The following BEND2 variants were observed in gnomAD, a reference collection of about 807,000 sequenced individuals.
BEND2 encodes BEN domain containing 2.
A neutral mutation model predicts 43.8 loss-of-function variants in BEND2; 19 were observed. That is an observed-to-expected ratio of 0.43 (90% CI 0.30 to 0.64). BEND2 has a LOEUF of 0.64. BEND2 is among the 30% of genes least tolerant of loss of function. The probability of loss-of-function intolerance (pLI) is 0.11; values close to 1 mark genes in which losing one functional copy is unlikely to be tolerated. For missense variants in BEND2, 544 were observed against 574.0 expected, an observed-to-expected ratio of 0.95 and a Z score of 0.53; for synonymous variants, 226 against 210.1, an observed-to-expected ratio of 1.08 and a Z score of -0.66.
In BEND2 at chrX:18,206,187, C is replaced by T. The variant is rs750368119; in HGVS notation, c.493-2272G>A. Among the ~76,000 whole-genome samples the T allele has an allele frequency of 2.7e-5, 3 of 111,397 alleles. No homozygotes were observed. In the East Asian group the frequency reaches 8.5e-4, roughly 32 times the overall value. On this transcript the variant is annotated intron_variant, in intron 4 of 13. Transcript: ENST00000380033. ...TTCATGTTACTATTGTTATTACCAG[C>T]GCCATGACACAGGCAGGAACAGGAG...
chrX:18,186,065 G>T (rs1461737759), intron 8 of BEND2, among the ~76,000 whole-genome samples: 1 of 111,873 alleles, frequency 8.9e-6, no homozygotes, highest in Non-Finnish European at 1.9e-5. Flanking sequence ...AACACACAGA[G>T]TATTATAACA....
intron 6 of BEND2, among the ~76,000 whole-genome samples, chrX:18,197,019 A>G (rs1343240280): frequency 8.9e-6 from 1 of 112,598 alleles, no homozygotes; most frequent in African/African-American, 3.2e-5. Context: ...ATCAATGTCA[A>G]TATCCTGGTT....
chrX:18,217,067 G>A (rs1925697020), intron 1 of BEND2, among the ~76,000 whole-genome samples: 1 of 112,699 alleles, frequency 8.9e-6, no homozygotes, highest in African/African-American at 3.2e-5. Flanking sequence ...TAACTTAAAC[G>A]ATGCAACTGG....
rs1334731451 is a variant in BEND2 at position 18,163,731 on chromosome X, T to C, written c.*1278A>G. The C allele has an allele frequency of 8.9e-6, 1 of 112,512 alleles. No homozygotes were observed. The highest frequency in any genetic ancestry group is 1.9e-5 in the Non-Finnish European group (1 of 53,311). The allele number at this position is 112,512 out of a possible 1,213,427, so 9.3% of individuals were successfully genotyped here. ...TATGCATATACAATTTGAAATTTCT[T>C]CTTGCCTAGGGTCGAACTGTACTTT... On this transcript the variant is annotated 3_prime_UTR_variant, in exon 14 of 14. Transcript: ENST00000380033.
chrX:18,201,860 C>A lies in BEND2; in HGVS notation c.988G>T (p.Gly330Cys). 8.3e-7 allele frequency: 1 copy of A among 1,209,737 alleles called. No individual in the cohort carries two copies. Among genetic ancestry groups the A allele is most frequent in the Non-Finnish European group, 1.1e-6 (1 of 894,562 alleles). ...NYPTLMGNYN[G>C]QNTASLSVFI... ...ACAGATAAAGAGGCAGTATTTTGGCCATTGTAATTTCCCATTAAAGTTGGA... is the reference window on the plus strand; with the variant it reads ...ACAGATAAAGAGGCAGTATTTTGGCAATTGTAATTTCCCATTAAAGTTGGA... Residue 330 changes from glycine (G) to cysteine (C), a missense_variant, in exon 6 of 14, where the codon GGC (glycine) becomes TGC (cysteine). Physicochemically the swap from Gly to Cys is radical, Grantham distance 159 (BLOSUM62 -3). Around this residue, in one of 2 missense-constraint regions of BEND2, gnomAD observed 501 missense variants for 501.6 expected, o/e 1.00. Coordinates refer to ENST00000380033, the MANE Select transcript of BEND2 (RefSeq NM_153346.5).
intron 8 of BEND2, among the ~76,000 whole-genome samples, chrX:18,187,926 T>C (rs939444761): frequency 9.0e-6 from 1 of 110,522 alleles, no homozygotes. Flanking sequence ...TGGGCAATGG[T>C]AAATGAATGG....
chrX:18,172,791 A>G (rs963427130), intron 12 of BEND2, among the ~76,000 whole-genome samples: 10 of 111,544 alleles, frequency 9.0e-5, no homozygotes, highest in African/African-American at 3.3e-4. Context: ...ACAACAGCAA[A>G]AAGAAACAAA....
chrX:18,201,786 C>T (rs1410686446), intron 6 of BEND2, 29 bp downstream of exon 6: 5 of 1,189,347 alleles, frequency 4.2e-6, no homozygotes, highest in Non-Finnish European at 5.7e-6. Context: ...AGCCACCACG[C>T]CCAGCATTAT....
intron 8 of BEND2, among the ~76,000 whole-genome samples, chrX:18,180,851 T>G (rs1186124363): frequency 9.2e-6 from 1 of 109,140 alleles, no homozygotes; most frequent in African/African-American, 3.3e-5. Flanking sequence ...CTTGGCTTAC[T>G]ACAACCTCTG....
rs1418562123 is a variant in BEND2 at position 18,172,904 on chromosome X, G to T, written c.1981+1126C>A. ...GATTGTAGATTCTTGAGGAAAAATA[G>T]ATACATATTATAATATTAGAGAAGG... On this transcript the variant is annotated intron_variant, in intron 12 of 13. Coordinates refer to ENST00000380033, the MANE Select transcript of BEND2 (RefSeq NM_153346.5). Among the ~76,000 whole-genome samples, 3 of 110,400 alleles carry T rather than the reference G, an allele frequency of 2.7e-5. No homozygotes were observed. The East Asian group carries it at 8.5e-4, about 31-fold the overall frequency.
At chrX:18,170,731 C>T (rs981386371) in intron 13 of BEND2, among the ~76,000 whole-genome samples, 7 of 112,298 alleles carry the variant, frequency 6.2e-5, no homozygotes, top group African/African-American at 1.3e-4. Flanking sequence ...TTCCATACCC[C>T]TGGCAGTCCA....
chrX:18,210,402 C>T (rs890473602), intron 4 of BEND2, among the ~76,000 whole-genome samples: 1 of 111,547 alleles, frequency 9.0e-6, no homozygotes, highest in Admixed American at 9.6e-5. Flanking sequence ...TCAGAACTTC[C>T]ATTTCATTTT....
chrX:18,199,556 G>A (rs1403877286), intron 6 of BEND2, among the ~76,000 whole-genome samples: 1 of 111,268 alleles, frequency 9.0e-6, no homozygotes, highest in Admixed American at 9.6e-5. Flanking sequence ...AGGAAAATGG[G>A]TAAAGTATAA....
intron 1 of BEND2, among the ~76,000 whole-genome samples, chrX:18,219,843 C>G (rs989866372): frequency 1.3e-4 from 15 of 111,926 alleles, no homozygotes; most frequent in Admixed American, 1.0e-3. Context: ...GAAGCGGAGG[C>G]TGCAGTGAGC....
intron 5 of BEND2, among the ~76,000 whole-genome samples, chrX:18,202,789 T>A (rs1925208515): frequency 8.9e-6 from 1 of 112,147 alleles, no homozygotes; most frequent in Non-Finnish European, 1.9e-5. Flanking sequence ...TCTTGGGTAA[T>A]CATGTCAGAG....
chrX:18,204,401 A>G (rs1428959471), intron 4 of BEND2, among the ~76,000 whole-genome samples: 3 of 112,151 alleles, frequency 2.7e-5, no homozygotes, highest in Admixed American at 1.9e-4. Context: ...TCAAAGTTGT[A>G]AAAATGTTTT....
intron 9 of BEND2, among the ~76,000 whole-genome samples, chrX:18,179,738 A>G (rs967262732): frequency 7.1e-5 from 8 of 112,442 alleles, no homozygotes; most frequent in Non-Finnish European, 1.3e-4. Flanking sequence ...TAGGATATTA[A>G]TAAGAGATAA....
rs5955946 is a variant in BEND2, at chrX:18,203,402, C to A, written c.907+99G>T. ...AATCTATAATGGCTTCAAGATAAAA[C>A]TTTTAATTTAAAAAATAACTAACAC... On this transcript the variant is annotated intron_variant, in intron 5 of 13. Transcript: ENST00000380033. The A allele has an allele frequency of 4.4e-3, 4,219 of 964,411 alleles. 93 individuals carry two copies. In the African/African-American group the frequency reaches 0.073, roughly 17 times the overall value. The allele number at this position is 964,411 out of a possible 1,213,427, so 79.5% of individuals were successfully genotyped here. A position where few individuals can be genotyped will look rare whatever the true frequency, so the allele number is the denominator to read the frequency against.
intron 9 of BEND2, among the ~76,000 whole-genome samples, chrX:18,179,446 G>A (rs1320078953): frequency 2.3e-4 from 25 of 110,610 alleles, no homozygotes; most frequent in African/African-American, 7.6e-4. Flanking sequence ...TAACAAGCCT[G>A]AGCCACCGTG....
Sources: gnomAD v4.1 joint callset for allele counts (sites outside exome capture counted in the v4.1 genomes callset) on GRCh38, gnomAD v4.1.1 for gene constraint, gnomAD v4.1.1 regional missense constraint, MANE v1.5 for transcripts, NCBI Gene and HGNC (gene_info 2026-07-23, HGNC 2026-07-21) for gene names.